PTPRD: variants seen among roughly 807,000 people sequenced by gnomAD.
PTPRD encodes receptor-type tyrosine-protein phosphatase delta.
Under a neutral mutation model 214.5 loss-of-function variants are expected in PTPRD, and 34 were observed. The ratio of observed to expected loss-of-function variants is 0.16; its 90% confidence interval spans 0.12 to 0.21. PTPRD has a LOEUF of 0.21. Among genes scored for constraint, PTPRD ranks in the 10% least tolerant of loss-of-function variants. The pLI is 1.00. For synonymous variants in PTPRD, 1,128 were observed against 845.7 expected (o/e 1.33, Z -5.79); for missense variants, 2,545 against 2,398.7 (o/e 1.06, Z -1.27).
chr9:8,424,537 T>C (rs765226855), intron 35 of PTPRD, among the ~76,000 whole-genome samples: 9 of 152,170 alleles, frequency 5.9e-5, no homozygotes, highest in Non-Finnish European at 1.3e-4. Context: ...ATACACATGT[T>C]TGCTATCACC....
At chr9:9,215,577 C>T (rs1319841468) in intron 9 of PTPRD, among the ~76,000 whole-genome samples, 1 of 152,116 alleles carries the variant, frequency 6.6e-6, no homozygotes, top group Non-Finnish European at 1.5e-5. Context: ...ATTTCCCCTA[C>T]TGCTGCAGGA....
At chr9:9,963,180 A>G (rs1234692098) in intron 4 of PTPRD, among the ~76,000 whole-genome samples, 1 of 152,120 alleles carries the variant, frequency 6.6e-6, no homozygotes, top group Non-Finnish European at 1.5e-5. Context: ...AATCCATAAT[A>G]CAATACTGAG....
chr9:8,934,508 T>TTTATATATATATAA (rs1567101649), intron 11 of PTPRD, among the ~76,000 whole-genome samples: 1 of 56,788 alleles, frequency 1.8e-5, no homozygotes, highest in African/African-American at 7.9e-5. Flanking sequence ...TATATATAAA[T>TTTATATATATATAA]ATATATATAT....
chr9:10,086,415 T>C (rs1243835654), intron 3 of PTPRD, among the ~76,000 whole-genome samples: 3 of 151,744 alleles, frequency 2.0e-5, no homozygotes, highest in Non-Finnish European at 2.9e-5. Context: ...TCCCATAATA[T>C]GGAGCTCAGT....
intron 5 of PTPRD, among the ~76,000 whole-genome samples, chr9:9,858,289 T>C (rs1273624642): frequency 6.6e-6 from 1 of 152,194 alleles, no homozygotes; most frequent in African/African-American, 2.4e-5. Context: ...ACCAAATATT[T>C]TTGCTTTGTA....
intron 8 of PTPRD, among the ~76,000 whole-genome samples, chr9:9,407,224 C>T (rs1364837764): frequency 2.0e-5 from 3 of 151,666 alleles, no homozygotes; most frequent in African/African-American, 7.2e-5. Flanking sequence ...TTTTTGGCTC[C>T]ATTTCTGAGC....
chr9:9,825,010 A>T (rs2052217825), intron 5 of PTPRD, among the ~76,000 whole-genome samples: 1 of 152,000 alleles, frequency 6.6e-6, no homozygotes, highest in South Asian at 2.1e-4. Context: ...AATCCATCTG[A>T]GTGTCAGTTT....
chr9:9,599,034 T>C (rs183491692), intron 7 of PTPRD, among the ~76,000 whole-genome samples: 1 of 152,156 alleles, frequency 6.6e-6, no homozygotes, highest in African/African-American at 2.4e-5. Flanking sequence ...GATGATACAA[T>C]GGATGATAAA....
At chr9:10,391,725 G>C (rs1049374785) in intron 2 of PTPRD, among the ~76,000 whole-genome samples, 2 of 151,648 alleles carry the variant, frequency 1.3e-5, no homozygotes, top group African/African-American at 4.8e-5. Flanking sequence ...CAGCAAGAGT[G>C]GTCTCTTCCA....
chr9:10,356,526 C>T (rs1043120351), intron 2 of PTPRD, among the ~76,000 whole-genome samples: 4 of 151,932 alleles, frequency 2.6e-5, no homozygotes, highest in African/African-American at 7.3e-5. Context: ...CTTAATATTC[C>T]CATTATGCAG....
At chr9:9,050,927 G>T (rs1445191354) in intron 10 of PTPRD, among the ~76,000 whole-genome samples, 1 of 152,114 alleles carries the variant, frequency 6.6e-6, no homozygotes, top group Non-Finnish European at 1.5e-5. Context: ...CACAGTGTCA[G>T]GCATCCACTG....
chr9:10,104,244 T>C (rs1464666354), intron 3 of PTPRD, among the ~76,000 whole-genome samples: 2 of 151,692 alleles, frequency 1.3e-5, no homozygotes, highest in African/African-American at 2.4e-5. Flanking sequence ...AGATGGATGG[T>C]GGTGATAGTT....
intron 5 of PTPRD, among the ~76,000 whole-genome samples, chr9:9,928,313 T>G (rs1389430069): frequency 1.3e-5 from 2 of 152,150 alleles, no homozygotes; most frequent in Non-Finnish European, 2.9e-5. Context: ...ACCACATTAT[T>G]TTGTGAGTGG....
chr9:9,681,651 T>G (rs371917295), intron 7 of PTPRD, among the ~76,000 whole-genome samples: 88 of 151,892 alleles, frequency 5.8e-4, no homozygotes, highest in South Asian at 3.1e-3. Context: ...CCCTTCTCCT[T>G]ACATCTTTTA....
chr9:9,742,826 T>C (rs1001548235), intron 6 of PTPRD, among the ~76,000 whole-genome samples: 3 of 152,206 alleles, frequency 2.0e-5, no homozygotes, highest in Non-Finnish European at 4.4e-5. Flanking sequence ...GACATATCTG[T>C]GGGATTAAAT....
At chr9:9,510,554 A>C (rs913329383) in intron 8 of PTPRD, among the ~76,000 whole-genome samples, 2 of 151,640 alleles carry the variant, frequency 1.3e-5, no homozygotes, top group African/African-American at 4.8e-5. Context: ...CAAAATATTC[A>C]GTCTCAAAAA....
chr9:9,858,006 G>T (rs944296689), intron 5 of PTPRD, among the ~76,000 whole-genome samples: 6 of 152,120 alleles, frequency 3.9e-5, no homozygotes, highest in African/African-American at 4.8e-5. Flanking sequence ...ATGCTATAAT[G>T]AACCATTATC....
chr9:8,517,325 C>G (rs1367996220), intron 21 of PTPRD, among the ~76,000 whole-genome samples: 1 of 152,134 alleles, frequency 6.6e-6, no homozygotes, highest in Admixed American at 6.6e-5. Flanking sequence ...GTAACTGTCT[C>G]TCTTTATCCA....
At chr9:8,544,261 G>C (rs902447334) in intron 14 of PTPRD, among the ~76,000 whole-genome samples, 1 of 144,740 alleles carries the variant, frequency 6.9e-6, no homozygotes, top group South Asian at 2.2e-4. Context: ...CCACCTCCCA[G>C]GTTCAAGCAA....
Sources: gnomAD v4.1 joint callset for allele counts (sites outside exome capture counted in the v4.1 genomes callset) on GRCh38, gnomAD v4.1.1 for gene constraint, MANE v1.5 for transcripts, NCBI Gene and HGNC (gene_info 2026-07-23, HGNC 2026-07-21) for gene names.